Variants in DAO observed in about 807,000 individuals in gnomAD.
The protein encoded by DAO is D-amino-acid oxidase.
Under a neutral mutation model 50.1 loss-of-function variants are expected in DAO, and 51 were observed. That is an observed-to-expected ratio of 1.02 (90% CI 0.81 to 1.29). The LOEUF (loss-of-function observed/expected upper bound fraction) is 1.29. Among genes scored for constraint, DAO ranks in the 50% most tolerant of loss-of-function variants. The pLI is 0.00. For missense variants in DAO, 436 were observed against 439.4 expected (o/e 0.99, Z 0.07); for synonymous variants, 160 against 166.2 (o/e 0.96, Z 0.29).
At chr12:108,892,951 C>T (rs370009305) in intron 5 of DAO, 31 bp from the exon 6 acceptor site, 7 of 1,609,840 alleles carry the variant, frequency 4.3e-6, no homozygotes, top group Non-Finnish European at 6.0e-6. Flanking sequence ...TAGCTGAATA[C>T]TGGGCTTTTT....
At chr12:108,894,477 C>T in intron 7 of DAO, 110 bp downstream of exon 7, 3 of 912,048 alleles carry the variant, frequency 3.3e-6, no homozygotes. Context: ...TAGAGGAACC[C>T]CCCGGACTGC....
At chr12:108,881,408 C>T (rs983309704) in intron 1 of DAO, among the ~76,000 whole-genome samples, 2 of 150,126 alleles carry the variant, frequency 1.3e-5, no homozygotes, top group African/African-American at 4.9e-5. Flanking sequence ...AAGGCTGGAT[C>T]TGCCACATCT....
At chr12:108,893,157 C>T in intron 6 of DAO, 121 bp downstream of exon 6, 1 of 838,414 alleles carries the variant, frequency 1.2e-6, no homozygotes, top group Non-Finnish European at 2.0e-6. Context: ...CTGCCTCAGA[C>T]CCTTGCCCCA....
intron 1 of DAO, among the ~76,000 whole-genome samples, chr12:108,884,212 CT>C (rs1360506409): frequency 1.3e-5 from 2 of 152,258 alleles, no homozygotes; most frequent in African/African-American, 4.8e-5. Flanking sequence ...CATTTGCTAG[CT>C]GCCAGCCTGG....
intron 6 of DAO, among the ~76,000 whole-genome samples, chr12:108,893,670 A>G (rs2039515719): frequency 6.6e-6 from 1 of 152,130 alleles, no homozygotes; most frequent in Non-Finnish European, 1.5e-5. Context: ...TCACTCAGGA[A>G]CAATAGTAGC....
At chr12:108,900,224 C>G in intron 10 of DAO, 180 bp from the exon 11 acceptor site, 1 of 656,486 alleles carries the variant, frequency 1.5e-6, no homozygotes, top group Non-Finnish European at 2.6e-6. Flanking sequence ...CCCATCATCT[C>G]TTGCAACTGT....
intron 8 of DAO, among the ~76,000 whole-genome samples, chr12:108,897,430 C>A: frequency 6.6e-6 from 1 of 152,020 alleles, no homozygotes. Context: ...GTTGGCCAGG[C>A]TGGTCTTGAA....
chr12:108,898,682 C>G lies in DAO; in HGVS notation c.699C>G (p.Thr233=). The change falls in exon 9 of 11, where the codon ACC becomes ACG. Residue 233 remains threonine (T), a synonymous_variant. Coordinates refer to ENST00000228476, the MANE Select transcript of DAO (RefSeq NM_001917.5). ...IYNSPYIIPG[T]QTVTLGGIFQ... is the part of the protein sequence containing the mutation. ...GACCCTCCTCATTTGTATCTAGGAC[C>G]CAGACAGTTACTCTTGGAGGCATCT... is the stretch of plus-strand genomic sequence containing the variant. The G allele has an allele frequency of 6.2e-7, 1 of 1,606,430 alleles. No individual in the cohort carries two copies. The highest frequency in any genetic ancestry group is 8.5e-7 in the Non-Finnish European group (1 of 1,173,088).
chr12:108,890,318 C>A, intron 5 of DAO, 45 bp downstream of exon 5: 1 of 1,474,288 alleles, frequency 6.8e-7, no homozygotes, highest in Non-Finnish European at 9.5e-7. Flanking sequence ...TCCCAGAGAC[C>A]AAGTTGTAGT....
intron 6 of DAO, among the ~76,000 whole-genome samples, chr12:108,893,560 G>C (rs1332821945): frequency 6.6e-6 from 1 of 152,194 alleles, no homozygotes; most frequent in Non-Finnish European, 1.5e-5. Context: ...CGTACATGTA[G>C]CTACTAGTGC....
chr12:108,885,492 C>A (rs1157053919), intron 2 of DAO, among the ~76,000 whole-genome samples: 2 of 152,096 alleles, frequency 1.3e-5, no homozygotes, highest in African/African-American at 4.8e-5. Context: ...CACCTGTAAT[C>A]CCAGCTACTC....
rs768013075 is a variant in DAO, at chr12:108,889,489, A to G, written c.330A>G (p.Thr110=). 2 of 1,612,554 alleles carry G rather than the reference A, an allele frequency of 1.2e-6. No individual in the cohort carries two copies. Among genetic ancestry groups the G allele is most frequent in the African/African-American group, 1.3e-5 (1 of 74,854 alleles). Residue 110 remains threonine, a synonymous_variant, in exon 4 of 11, where the codon ACA becomes ACG. Coordinates refer to ENST00000228476, the MANE Select transcript of DAO (RefSeq NM_001917.5). ...TTCAGGACCCTTCCTGGAAGGACACAGTTCTGGGATTTCGGAAGCTGACCC... is the reference window on the plus strand; with the variant it reads ...TTCAGGACCCTTCCTGGAAGGACACGGTTCTGGGATTTCGGAAGCTGACCC... ...EAIPDPSWKD[T]VLGFRKLTPR... is the part of the protein sequence containing the mutation.
At chr12:108,884,265 A>T (rs1018538204) in intron 1 of DAO, among the ~76,000 whole-genome samples, 24 of 152,226 alleles carry the variant, frequency 1.6e-4, no homozygotes, top group African/African-American at 5.8e-4. Flanking sequence ...AGTTTACTCA[A>T]ATTGAAATTA....
intron 10 of DAO, 173 bp downstream of exon 10, chr12:108,899,648 G>A: frequency 1.5e-6 from 1 of 682,972 alleles, no homozygotes; most frequent in South Asian, 1.6e-5. Context: ...GCTCAATGAT[G>A]GTTAAGGACC....
intron 8 of DAO, 175 bp from the exon 9 acceptor site, chr12:108,898,504 A>G: frequency 2.9e-6 from 2 of 695,510 alleles, no homozygotes; most frequent in Non-Finnish European, 5.3e-6. Flanking sequence ...AGATGACAAC[A>G]TTGATGGAAG....
Position 108,890,274 on chromosome 12 carries a change from G to T in DAO, c.452+1G>T. Reference sequence around the variant, plus strand: ...ACTATCTACAGTGGCTGACTGAAAGGTGAGATTTTAAGCTTCACTTTGAGG... The same window carrying T: ...ACTATCTACAGTGGCTGACTGAAAGTTGAGATTTTAAGCTTCACTTTGAGG... On this transcript the variant is annotated splice_donor_variant, in intron 5 of 10. Transcript: ENST00000228476. LOFTEE classifies it high-confidence loss of function. The T allele has an allele frequency of 6.2e-7, 1 of 1,612,820 alleles. No homozygotes were observed. Among genetic ancestry groups the T allele is most frequent in the South Asian group, 1.1e-5 (1 of 91,046 alleles).
Position 108,900,429 on chromosome 12 carries a change from G to A in DAO, c.938G>A (p.Gly313Asp). 4 of 1,614,108 alleles carry A rather than the reference G, an allele frequency of 2.5e-6. No homozygotes were observed. Among genetic ancestry groups the A allele is most frequent in the Non-Finnish European group, 3.4e-6 (4 of 1,179,986 alleles). The change falls in exon 11 of 11, where the codon GGC becomes GAC. Residue 313 changes from glycine (G) to aspartate (D), a missense_variant. Coordinates refer to ENST00000228476, the MANE Select transcript of DAO (RefSeq NM_001917.5). ...GTCATCCACAACTATGGCCATGGAG[G>A]CTACGGGCTCACCATCCACTGGGGA... ...TEVIHNYGHGGYGLTIHWGCA... is the reference protein window; with the variant it reads ...TEVIHNYGHGDYGLTIHWGCA...
intron 7 of DAO, 45 bp downstream of exon 7, chr12:108,894,412 C>G (rs1425324948): frequency 2.9e-6 from 4 of 1,384,142 alleles, no homozygotes. Flanking sequence ...ATAGGAAGAT[C>G]ATTCTGCATG....
At chr12:108,892,418 G>A (rs957880723) in intron 5 of DAO, among the ~76,000 whole-genome samples, 3 of 150,986 alleles carry the variant, frequency 2.0e-5, no homozygotes, top group South Asian at 2.1e-4. Flanking sequence ...CGCCCACCTC[G>A]GCCTCCCAAA....
Sources: gnomAD v4.1 joint callset for allele counts (sites outside exome capture counted in the v4.1 genomes callset) on GRCh38, gnomAD v4.1.1 for gene constraint, MANE v1.5 for transcripts, NCBI Gene and HGNC (gene_info 2026-07-23, HGNC 2026-07-21) for gene names.